The following IRAK1BP1 variants were observed in gnomAD, a reference collection of about 807,000 sequenced individuals.
IRAK1BP1 encodes the protein interleukin 1 receptor associated kinase 1 binding protein 1, also known as interleukin-1 receptor-associated kinase 1-binding protein 1.
IRAK1BP1 carries 24 observed loss-of-function variants against 28.0 expected under a neutral mutation model. The ratio of observed to expected loss-of-function variants is 0.86; its 90% CI spans 0.62 to 1.20. The LOEUF is 1.20. IRAK1BP1 is among the 50% of genes most tolerant of loss of function. IRAK1BP1 has a pLI of 0.00. For synonymous variants in IRAK1BP1, 131 were observed against 116.3 expected, an observed-to-expected ratio of 1.13 and a Z score of -0.81; for missense variants, 336 against 316.7, an observed-to-expected ratio of 1.06 and a Z score of -0.46.
chr6:78,944,218 C>G (rs1773677707), intron 4 of IRAK1BP1, among the ~76,000 whole-genome samples: 1 of 152,026 alleles, frequency 6.6e-6, no homozygotes, highest in African/African-American at 2.4e-5. Context: ...GTAAAAGAAC[C>G]TGGAATGTTA....
intron 1 of IRAK1BP1, among the ~76,000 whole-genome samples, chr6:78,876,718 A>T (rs1473182421): frequency 6.6e-6 from 1 of 152,138 alleles, no homozygotes; most frequent in Non-Finnish European, 1.5e-5. Context: ...TGGCAGGTCC[A>T]TGTCTGAGGA....
chr6:78,971,868 G>A, the IRAK1BP1 span, among the ~76,000 whole-genome samples: 9 of 152,048 alleles, frequency 5.9e-5, no homozygotes, highest in East Asian at 3.9e-4. Context: ...CACCTGGCTC[G>A]GAGGGTCCTA....
At chr6:78,955,207 T>C in the IRAK1BP1 span, 1 of 1,529,370 alleles carries the variant, frequency 6.5e-7, no homozygotes, top group South Asian at 1.2e-5. Flanking sequence ...ATAAAGTACT[T>C]CTGCTAAAAC....
In IRAK1BP1 at chr6:78,867,582, TCTGCAAAAGACC is replaced by T. The variant is rs1770618303; in HGVS notation, c.8_19del (p.Leu3_Thr6del). 2 of 1,613,258 alleles carry T rather than the reference TCTGCAAAAGACC, an allele frequency of 1.2e-6. No homozygotes were observed. Among genetic ancestry groups the T allele is most frequent in the African/African-American group, 2.7e-5 (2 of 74,904 alleles). On this transcript the variant is annotated inframe_deletion, in exon 1 of 4. Coordinates refer to ENST00000369940, the MANE Select transcript of IRAK1BP1 (RefSeq NM_001010844.4). ...GAAACCCAGCTGCCATCGCTATGTCTCTGCAAAAGACCCCTCCGACCCGAGTGTTCGTGGAAC... is the reference window on the plus strand; with the variant it reads ...GAAACCCAGCTGCCATCGCTATGTCTCCTCCGACCCGAGTGTTCGTGGAAC...
At chr6:78,885,956 A>G (rs1771418511) in intron 2 of IRAK1BP1, among the ~76,000 whole-genome samples, 1 of 152,196 alleles carries the variant, frequency 6.6e-6, no homozygotes, top group African/African-American at 2.4e-5. Flanking sequence ...CTTTTTACTT[A>G]TATTTAAAGA....
chr6:78,952,324 CAGG>C, the IRAK1BP1 span, among the ~76,000 whole-genome samples: 2 of 148,330 alleles, frequency 1.3e-5, no homozygotes, highest in African/African-American at 5.0e-5. Flanking sequence ...GAGGCCGAGG[CAGG>C]AGAATCGCTT....
intron 4 of IRAK1BP1, among the ~76,000 whole-genome samples, chr6:78,942,892 T>C (rs987441871): frequency 6.6e-6 from 1 of 152,134 alleles, no homozygotes; most frequent in Non-Finnish European, 1.5e-5. Context: ...ATATATAATG[T>C]AAAAAGGTTA....
chr6:78,903,005 CCTT>C lies in IRAK1BP1; in HGVS notation c.*4676_*4678del, dbSNP rs985450211. The stretch of plus-strand genomic sequence containing the variant: ...TTTCTGTTTCAGCAACTCCTGGAAT[CCTT>C]CTTCAACATCCCAACCAACAATTAC... On this transcript the variant is annotated 3_prime_UTR_variant, in exon 4 of 4. Transcript: ENST00000369940. 19 of 1,515,046 alleles carry C rather than the reference CCTT, an allele frequency of 1.3e-5. No homozygotes were observed. The highest frequency in any genetic ancestry group is 1.1e-4 in the South Asian group (9 of 83,526). The allele number at this position is 1,515,046 out of a possible 1,614,324, so 93.9% of individuals were successfully genotyped here. A position where few individuals can be genotyped will look rare whatever the true frequency, so the allele number is the denominator to read the frequency against.
downstream of IRAK1BP1, among the ~76,000 whole-genome samples, chr6:78,906,696 T>A (rs74763265): frequency 8.6e-3 from 1,304 of 152,276 alleles, 22 homozygotes; most frequent in African/African-American, 0.029. Flanking sequence ...GGAAAATGCA[T>A]ACTGATCTTG....
At chr6:78,961,674 A>G in the IRAK1BP1 span, 1 of 1,608,938 alleles carries the variant, frequency 6.2e-7, no homozygotes, top group African/African-American at 1.3e-5. Flanking sequence ...TAGTAGCTAC[A>G]TCAAATGGTT....
downstream of IRAK1BP1, among the ~76,000 whole-genome samples, chr6:78,948,094 G>GA (rs1289789998): frequency 6.6e-6 from 1 of 151,994 alleles, no homozygotes; most frequent in Non-Finnish European, 1.5e-5. Context: ...CTCTACAACC[G>GA]AAAGTTTGAA....
chr6:78,968,188 A>G, the IRAK1BP1 span, among the ~76,000 whole-genome samples: 12 of 152,208 alleles, frequency 7.9e-5, no homozygotes, highest in Non-Finnish European at 1.5e-4. Context: ...TGAAAAATTT[A>G]AACAATCAGA....
intron 4 of IRAK1BP1, among the ~76,000 whole-genome samples, chr6:78,917,134 C>T (rs886884889): frequency 6.6e-6 from 1 of 151,902 alleles, no homozygotes; most frequent in Non-Finnish European, 1.5e-5. Flanking sequence ...AAAGGAAACT[C>T]AATGATATCC....
chr6:78,924,793 T>C (rs1033062979), intron 4 of IRAK1BP1, among the ~76,000 whole-genome samples: 2 of 152,184 alleles, frequency 1.3e-5, no homozygotes, highest in African/African-American at 4.8e-5. Context: ...TAATCCAGCA[T>C]ATAAACAGAA....
intron 1 of IRAK1BP1, chr6:78,871,587 T>G (rs1770793218): frequency 7.4e-6 from 7 of 950,506 alleles, no homozygotes; most frequent in Non-Finnish European, 8.8e-6. Context: ...CCAAAATTTA[T>G]AGTTGAAACC....
At chr6:78,870,592 G>A (rs1770761762) in intron 1 of IRAK1BP1, among the ~76,000 whole-genome samples, 1 of 152,122 alleles carries the variant, frequency 6.6e-6, no homozygotes, top group Non-Finnish European at 1.5e-5. Context: ...CTTGTGTGAA[G>A]GTATAATCCT....
Position 78,880,504 on chromosome 6 carries a change from T to C in IRAK1BP1, c.316-4874T>C, listed in dbSNP as rs549827054. Among the ~76,000 whole-genome samples, 827 of 152,262 alleles carry C rather than the reference T, an allele frequency of 5.4e-3. 10 individuals carry two copies. Among genetic ancestry groups the C allele is most frequent in the Middle Eastern group, 0.041 (12 of 294 alleles). ...AAAACTCACTTTGTGAAAAACATTG[T>C]TAAGAAAATGAAAAGTCAATCTATA... On this transcript the variant is annotated intron_variant, in intron 1 of 3. Transcript: ENST00000369940.
intron 1 of IRAK1BP1, among the ~76,000 whole-genome samples, chr6:78,869,529 G>A (rs1428352489): frequency 1.3e-5 from 2 of 152,134 alleles, no homozygotes; most frequent in African/African-American, 4.8e-5. Flanking sequence ...TAAGTAGTAA[G>A]TAAATAAATT....
chr6:78,885,498 T>C, intron 2 of IRAK1BP1, 55 bp downstream of exon 2: 1 of 835,644 alleles, frequency 1.2e-6, no homozygotes, highest in Non-Finnish European at 1.9e-6. Context: ...ACAGTCATTT[T>C]TATTCTTGAA....
Sources: gnomAD v4.1 joint callset for allele counts (sites outside exome capture counted in the v4.1 genomes callset) on GRCh38, gnomAD v4.1.1 for gene constraint, MANE v1.5 for transcripts, NCBI Gene and HGNC (gene_info 2026-07-23, HGNC 2026-07-21) for gene names.